MBTPS1: variants seen among roughly 807,000 people sequenced by gnomAD.
The protein encoded by MBTPS1 is membrane-bound transcription factor site-1 protease.
In MBTPS1, 94 loss-of-function variants were observed where a neutral mutation model predicts 127.8. That is an observed-to-expected ratio of 0.74 (90% confidence interval 0.62 to 0.87). MBTPS1 has a LOEUF of 0.87. Among genes scored for constraint, MBTPS1 ranks in the 40% least tolerant of loss-of-function variants. MBTPS1 has a pLI of 0.00. For missense variants in MBTPS1, 1,636 were observed against 1,353.2 expected, an observed-to-expected ratio of 1.21 and a Z score of -3.28; for synonymous variants, 632 against 509.4, an observed-to-expected ratio of 1.24 and a Z score of -3.24.
At chr16:84,111,143 G>A (rs1270594509) in intron 1 of MBTPS1, among the ~76,000 whole-genome samples, 1 of 152,246 alleles carries the variant, frequency 6.6e-6, no homozygotes, top group Non-Finnish European at 1.5e-5. Context: ...TGAAGGCACT[G>A]AGACAGTATC....
At chr16:84,091,026 C>T (rs547561821) in intron 7 of MBTPS1, 84 bp from the exon 8 acceptor site, 14 of 976,664 alleles carry the variant, frequency 1.4e-5, no homozygotes, top group East Asian at 7.2e-5. Context: ...CCATACACAA[C>T]GTCTAAAAAC....
At chr16:84,066,772 G>A (rs2085690340) in intron 16 of MBTPS1, among the ~76,000 whole-genome samples, 159 bp from the exon 17 acceptor site, 1 of 152,210 alleles carries the variant, frequency 6.6e-6, no homozygotes, top group East Asian at 1.9e-4. Flanking sequence ...GGGTAAAACT[G>A]CAAATTTAAG....
At chr16:84,091,014 AAC>A in intron 7 of MBTPS1, 72 bp from the exon 8 acceptor site, 1 of 1,030,496 alleles carries the variant, frequency 9.7e-7, no homozygotes. Flanking sequence ...AAAAAAAAAA[AAC>A]CATACACAAC....
intron 22 of MBTPS1, among the ~76,000 whole-genome samples, chr16:84,055,010 T>C (rs1177684892): frequency 2.0e-5 from 3 of 152,072 alleles, no homozygotes; most frequent in Non-Finnish European, 4.4e-5. Flanking sequence ...CACGTCTCTA[T>C]CCAGGGGAGA....
chr16:84,064,668 G>A (rs1433996561), intron 18 of MBTPS1, among the ~76,000 whole-genome samples: 2 of 152,180 alleles, frequency 1.3e-5, no homozygotes, highest in African/African-American at 2.4e-5. Flanking sequence ...GCTAGAACCT[G>A]AAGTGATACT....
chr16:84,083,660 A>G (rs1187919050), intron 10 of MBTPS1, among the ~76,000 whole-genome samples: 1 of 152,212 alleles, frequency 6.6e-6, no homozygotes, highest in African/African-American at 2.4e-5. Context: ...TCAATATTCA[A>G]TTTACTTAAA....
At chr16:84,064,263 T>C (rs1204306412) in intron 18 of MBTPS1, among the ~76,000 whole-genome samples, 2 of 151,940 alleles carry the variant, frequency 1.3e-5, no homozygotes, top group African/African-American at 4.8e-5. Context: ...CCCTGCTCTC[T>C]GTGCAGGAAT....
In MBTPS1 at chr16:84,081,651, A is replaced by G. The variant is rs897416469; in HGVS notation, c.1448+96T>C. ...CCCGAGAATTCTGTGCTTAGTCATC[A>G]TTTTCTGTTTTGAGGCTTGTATTTT... On this transcript the variant is annotated intron_variant, in intron 11 of 22. Coordinates refer to ENST00000343411, the MANE Select transcript of MBTPS1 (RefSeq NM_003791.4). 26 of 1,006,208 alleles carry G rather than the reference A, an allele frequency of 2.6e-5. No homozygotes were observed. In the African/African-American group the frequency reaches 3.6e-4, roughly 14 times the overall value. The allele number at this position is 1,006,208 out of a possible 1,614,324, so 62.3% of individuals were successfully genotyped here.
chr16:84,069,867 A>G lies in MBTPS1; in HGVS notation c.1954T>C (p.Trp652Arg), dbSNP rs1247547799. ...NLRMKNDPLD[W>R]NGDHIHTNFR... ...AAGTGCATCCTGTGAGGTGCTTACC[A>G]GTCTAAAGGGTCATTCTTCATCCTT... The change falls in exon 14 of 23, where the codon TGG becomes CGG. Residue 652 changes from tryptophan to arginine, a missense_variant and splice_region_variant. Coordinates refer to ENST00000343411, the MANE Select transcript of MBTPS1 (RefSeq NM_003791.4). 5.6e-6 allele frequency: 9 copies of G among 1,612,594 alleles called. No homozygotes were observed. The highest frequency in any genetic ancestry group is 6.8e-6 in the Non-Finnish European group (8 of 1,179,552).
intron 11 of MBTPS1, among the ~76,000 whole-genome samples, chr16:84,081,234 A>G (rs994330141): frequency 1.3e-5 from 2 of 152,206 alleles, no homozygotes; most frequent in Non-Finnish European, 2.9e-5. Context: ...GTAAATCTAA[A>G]ATCATTTCAA....
intron 22 of MBTPS1, among the ~76,000 whole-genome samples, chr16:84,055,666 T>A (rs971632713): frequency 7.3e-6 from 1 of 136,852 alleles, no homozygotes; most frequent in African/African-American, 2.7e-5. Context: ...CAGACAGGCA[T>A]CCTGTAAGGG....
At chr16:84,115,270 A>T (rs1400035242) in intron 1 of MBTPS1, among the ~76,000 whole-genome samples, 1 of 152,094 alleles carries the variant, frequency 6.6e-6, no homozygotes, top group Non-Finnish European at 1.5e-5. Context: ...AAGAGCTCCC[A>T]CTTCTTCCCT....
At chr16:84,071,935 C>G (rs1396862384) in intron 12 of MBTPS1, 1 of 152,180 alleles carries the variant, frequency 6.6e-6, no homozygotes, top group Non-Finnish European at 1.5e-5. Context: ...GTAACTCATA[C>G]AAGAGGAAAC....
At position 84,054,796 on chromosome 16, in the gene MBTPS1, A is replaced by G. The variant is rs2085495900; in HGVS notation, c.2963-151T>C. ...CATACATCATTTTTAAGCCTTAGCTAAAGTAACCCAGGCTATTAATAAAGA... is the reference window on the plus strand; with the variant it reads ...CATACATCATTTTTAAGCCTTAGCTGAAGTAACCCAGGCTATTAATAAAGA... On this transcript the variant is annotated intron_variant, in intron 22 of 22. Transcript: ENST00000343411. The G allele has an allele frequency of 1.2e-5, 7 of 585,242 alleles. 1 individual carries two copies. The South Asian group carries it at 1.3e-4, about 11-fold the overall frequency. The allele number at this position is 585,242 out of a possible 1,614,324, so 36.3% of individuals were successfully genotyped here.
At chr16:84,056,350 T>C in intron 21 of MBTPS1, 2 of 498,162 alleles carry the variant, frequency 4.0e-6, no homozygotes, top group East Asian at 3.4e-5. Context: ...AAGTCCCTGT[T>C]CATGAGATTC....
At chr16:84,112,092 C>T (rs2086405477) in intron 1 of MBTPS1, among the ~76,000 whole-genome samples, 1 of 152,088 alleles carries the variant, frequency 6.6e-6, no homozygotes. Flanking sequence ...ATCCCAGCTA[C>T]TCAGGAGGCT....
chr16:84,085,224 T>A, intron 9 of MBTPS1, 90 bp from the exon 10 acceptor site: 1 of 1,304,808 alleles, frequency 7.7e-7, no homozygotes, highest in Non-Finnish European at 1.1e-6. Flanking sequence ...AACAGAGATA[T>A]GGGTTAGTTA....
Position 84,087,473 on chromosome 16 carries a change from C to CAAAAAAAAAAAAAAAAGAAAAAA in MBTPS1, c.1032-14_1032-13insTTTTTTCTTTTTTTTTTTTTTTT. ...GTTATTCAGAGTGCTATATTGAGAC[C>CAAAAAAAAAAAAAAAAGAAAAAA]AAAAAAAAAAAAAAAGAAAAGAAAA... On this transcript the variant is annotated splice_polypyrimidine_tract_variant and intron_variant, in intron 8 of 22. Coordinates refer to ENST00000343411, the MANE Select transcript of MBTPS1 (RefSeq NM_003791.4). 9.7e-7 allele frequency: 1 copy of CAAAAAAAAAAAAAAAAGAAAAAA among 1,036,174 alleles called. No individual in the cohort carries two copies. 64.2% of individuals were successfully genotyped at this position (1,036,174 alleles called of 1,614,324 possible).
chr16:84,097,830 T>C (rs1031300001), intron 3 of MBTPS1, among the ~76,000 whole-genome samples: 3 of 134,836 alleles, frequency 2.2e-5, no homozygotes, highest in Non-Finnish European at 4.7e-5. Flanking sequence ...AAAATTAAAC[T>C]TCTCTTCGTG....
Sources: gnomAD v4.1 joint callset for allele counts (sites outside exome capture counted in the v4.1 genomes callset) on GRCh38, gnomAD v4.1.1 for gene constraint, MANE v1.5 for transcripts, NCBI Gene and HGNC (gene_info 2026-07-23, HGNC 2026-07-21) for gene names.